The following ADARB2 variants were observed in gnomAD, a reference collection of about 807,000 sequenced individuals.
ADARB2 encodes the protein inactive double-stranded RNA-specific editase B2.
ADARB2 carries 25 observed loss-of-function variants against 62.2 expected under a neutral mutation model. That is an observed-to-expected ratio of 0.40 (90% CI 0.29 to 0.56). The LOEUF (loss-of-function observed/expected upper bound fraction) is 0.56. Among genes scored for constraint, ADARB2 ranks in the 20% least tolerant of loss-of-function variants. The probability of loss-of-function intolerance (pLI) is 0.43; values close to 1 mark genes in which losing one functional copy is unlikely to be tolerated. For synonymous variants in ADARB2, 572 were observed against 500.8 expected (o/e 1.14, Z -1.90); for missense variants, 1,071 against 1,077.4 (o/e 0.99, Z 0.08).
intron 1 of ADARB2, among the ~76,000 whole-genome samples, chr10:1,532,936 C>A (rs182774906): frequency 6.6e-5 from 10 of 152,086 alleles, no homozygotes; most frequent in Non-Finnish European, 1.2e-4. Flanking sequence ...GGGCATCCAG[C>A]GGTGTCTGTA....
At chr10:1,554,815 G>A (rs1383061876) in intron 1 of ADARB2, among the ~76,000 whole-genome samples, 1 of 152,132 alleles carries the variant, frequency 6.6e-6, no homozygotes, top group Non-Finnish European at 1.5e-5. Context: ...GTGTGACGCT[G>A]AGGTTTGGGA....
In ADARB2 at chr10:1,217,009, C is replaced by T. The variant is rs1830635132; in HGVS notation, c.1624G>A (p.Asp542Asn). 6.2e-7 allele frequency: 1 copy of T among 1,611,252 alleles called. No individual in the cohort carries two copies. Among genetic ancestry groups the T allele is most frequent in the South Asian group, 1.1e-5 (1 of 90,914 alleles). ...VRGPSAVQTW[D>N]GVLLGEQLIT... is the part of the protein sequence containing the mutation. ...AGCTGCTCCCCCAGCAGGACGCCGTCCCAGGTCTGCACTGCGCTGGGGCCA... is the reference window on the plus strand; with the variant it reads ...AGCTGCTCCCCCAGCAGGACGCCGTTCCAGGTCTGCACTGCGCTGGGGCCA... Residue 542 changes from aspartate to asparagine, a missense_variant, in exon 7 of 10, where the codon GAC becomes AAC. Asp to Asn is a conservative substitution (Grantham distance 23). Transcript: ENST00000381312.
rs375646069 is a variant in ADARB2 at position 1,363,937 on chromosome 10, A to G, written c.188-20T>C. The G allele has an allele frequency of 2.0e-4, 285 of 1,431,316 alleles. No individual in the cohort carries two copies. Among genetic ancestry groups the G allele is most frequent in the African/African-American group, 1.7e-3 (114 of 67,124 alleles). 88.7% of individuals were successfully genotyped at this position (1,431,316 alleles called of 1,614,324 possible). On this transcript the variant is annotated intron_variant, in intron 2 of 9. Coordinates refer to ENST00000381312, the MANE Select transcript of ADARB2 (RefSeq NM_018702.4). ...TGGTACCTGGAGGGGAGAACAGACC[A>G]GTCAGGAGCCTGGGCGGGCGCCGGC...
intron 3 of ADARB2, among the ~76,000 whole-genome samples, chr10:1,343,311 G>GA (rs1832049417): frequency 6.6e-6 from 1 of 152,124 alleles, no homozygotes; most frequent in Non-Finnish European, 1.5e-5. Context: ...AAACCACAAT[G>GA]AGATACCATC....
chr10:1,182,504 G>T lies in ADARB2; in HGVS notation c.*689C>A, dbSNP rs1836690157. The T allele has an allele frequency of 6.5e-6, 1 of 153,000 alleles. No homozygotes were observed. The highest frequency in any genetic ancestry group is 2.4e-5 in the African/African-American group (1 of 41,438). 9.5% of individuals were successfully genotyped at this position (153,000 alleles called of 1,614,324 possible). A position where few individuals can be genotyped will look rare whatever the true frequency, so the allele number is the denominator to read the frequency against. On this transcript the variant is annotated 3_prime_UTR_variant, in exon 10 of 10. Coordinates refer to ENST00000381312, the MANE Select transcript of ADARB2 (RefSeq NM_018702.4). ...GGCTCCCCACATCTGCAGCACGCGTGGGCCGGGTGTTTCCAGGCTCCCCAC... is the reference window on the plus strand; with the variant it reads ...GGCTCCCCACATCTGCAGCACGCGTTGGCCGGGTGTTTCCAGGCTCCCCAC...
intron 1 of ADARB2, among the ~76,000 whole-genome samples, chr10:1,503,769 T>G (rs1831797209): frequency 6.6e-6 from 1 of 152,086 alleles, no homozygotes. Flanking sequence ...TGGCTAGATG[T>G]GGTCTCTAAC....
intron 1 of ADARB2, among the ~76,000 whole-genome samples, chr10:1,400,443 G>C (rs1012663075): frequency 6.6e-6 from 1 of 152,186 alleles, no homozygotes; most frequent in African/African-American, 2.4e-5. Context: ...GCAAGTCACG[G>C]CAGCACATGG....
intron 1 of ADARB2, among the ~76,000 whole-genome samples, chr10:1,564,050 T>G (rs990766501): frequency 3.3e-5 from 5 of 151,522 alleles, no homozygotes; most frequent in African/African-American, 4.9e-5. Flanking sequence ...TTTGGGTTGG[T>G]TCCAAGTCTT....
chr10:1,457,113 A>G (rs1831105009), intron 1 of ADARB2, among the ~76,000 whole-genome samples: 1 of 152,226 alleles, frequency 6.6e-6, no homozygotes, highest in Non-Finnish European at 1.5e-5. Context: ...CTCCTGGGAC[A>G]GGTTTTCATC....
At chr10:1,223,936 G>C (rs151186152) in intron 6 of ADARB2, among the ~76,000 whole-genome samples, 166 of 152,216 alleles carry the variant, frequency 1.1e-3, no homozygotes, top group African/African-American at 3.8e-3. Flanking sequence ...TGCTGGCCTC[G>C]TAAAATGCGT....
At chr10:1,472,559 C>T (rs1007050979) in intron 1 of ADARB2, among the ~76,000 whole-genome samples, 4 of 152,142 alleles carry the variant, frequency 2.6e-5, no homozygotes, top group Admixed American at 1.3e-4. Context: ...GGGAGAAGGA[C>T]CAGTTAGAGG....
intron 1 of ADARB2, among the ~76,000 whole-genome samples, chr10:1,679,567 A>C (rs1042553968): frequency 6.6e-6 from 1 of 151,886 alleles, no homozygotes; most frequent in African/African-American, 2.4e-5. Flanking sequence ...TTAAAATCTC[A>C]TTTCATGTGA....
chr10:1,186,377 C>T (rs1191989690), intron 8 of ADARB2: 4 of 440,712 alleles, frequency 9.1e-6, no homozygotes, highest in African/African-American at 2.0e-5. Flanking sequence ...AACAGTGAGT[C>T]GGCAGGGAGT....
intron 6 of ADARB2, among the ~76,000 whole-genome samples, chr10:1,222,829 T>C (rs1477957511): frequency 2.0e-5 from 3 of 150,426 alleles, no homozygotes; most frequent in Admixed American, 1.3e-4. Context: ...CCTTGTAGTA[T>C]AGTTTGAAGT....
rs373870693 is a variant in ADARB2 at position 1,255,392 on chromosome 10, G to A, written c.1193-13093C>T. 3.7e-4 allele frequency among the ~76,000 whole-genome samples: 56 copies of A among 152,330 alleles called. No individual in the cohort carries two copies. The highest frequency in any genetic ancestry group is 1.2e-3 in the African/African-American group (50 of 41,556). On this transcript the variant is annotated intron_variant, in intron 4 of 9. Transcript: ENST00000381312. This position sits in a 1 kb window ranked among gnomAD's most constrained non-coding sequence, Gnocchi z 4.7. ...CCTTCTGTGCCAGGCACATGTGAGCGCTGGGTCTACACACTAATCAAACAT... is the reference window on the plus strand; with the variant it reads ...CCTTCTGTGCCAGGCACATGTGAGCACTGGGTCTACACACTAATCAAACAT...
chr10:1,224,777 G>A (rs1830729623), intron 6 of ADARB2, among the ~76,000 whole-genome samples: 1 of 152,210 alleles, frequency 6.6e-6, no homozygotes, highest in African/African-American at 2.4e-5. Flanking sequence ...TGTGGTCTGA[G>A]AGACAGTTTG....
At chr10:1,702,942 C>T (rs11250749) in intron 1 of ADARB2, among the ~76,000 whole-genome samples, 17,206 of 152,284 alleles carry the variant, frequency 0.11, 1,094 homozygotes, top group Non-Finnish European at 0.14. Flanking sequence ...GGTAGGGACT[C>T]ATTTTCATTG....
intron 6 of ADARB2, among the ~76,000 whole-genome samples, chr10:1,220,687 T>C (rs1365474574): frequency 3.9e-5 from 6 of 152,232 alleles, no homozygotes; most frequent in African/African-American, 7.2e-5. Context: ...AGTATTCTTA[T>C]ATTCTCCCAA....
intron 1 of ADARB2, among the ~76,000 whole-genome samples, chr10:1,563,048 T>C (rs1832807217): frequency 6.6e-6 from 1 of 152,082 alleles, no homozygotes; most frequent in Admixed American, 6.6e-5. Flanking sequence ...CTGACTTGAG[T>C]CCCTGTGTCC....
Sources: allele counts gnomAD v4.1 joint callset (sites outside exome capture counted in the v4.1 genomes callset), GRCh38; gene constraint gnomAD v4.1.1; non-coding constraint Gnocchi (gnomAD v3.1); transcripts MANE v1.5; gene names NCBI Gene and HGNC (gene_info 2026-07-23, HGNC 2026-07-21).